BDKRB2: variants seen among roughly 807,000 people sequenced by gnomAD.
BDKRB2 encodes bradykinin receptor B2, also known as B2 bradykinin receptor.
In BDKRB2, 6 loss-of-function variants were observed where a neutral mutation model predicts 4.0. The observed-to-expected ratio is 1.49, with a 90% CI of 0.81 to 2.93. BDKRB2 has a LOEUF of 2.93. Ranked by LOEUF, BDKRB2 falls within the 30% of genes most tolerant of loss-of-function variation. BDKRB2 has a pLI of 0.00. For synonymous variants in BDKRB2, 225 were observed against 215.3 expected, an observed-to-expected ratio of 1.05 and a Z score of -0.40; for missense variants, 478 against 520.1, an observed-to-expected ratio of 0.92 and a Z score of 0.79.
chr14:96,243,907 T>C lies in BDKRB2; in HGVS notation c.*2403T>C. 2.9e-6 allele frequency: 1 copy of C among 350,576 alleles called. No homozygotes were observed. Among genetic ancestry groups the C allele is most frequent in the Non-Finnish European group, 5.1e-6 (1 of 197,194 alleles). 21.7% of individuals were successfully genotyped at this position (350,576 alleles called of 1,614,324 possible). On this transcript the variant is annotated 3_prime_UTR_variant, in exon 3 of 3. Transcript: ENST00000554311. ...AGTCATTCAGCACCAGAGCACGTGATGGTCTGAGACTCTCTTAGGAGCAGA... is the reference window on the plus strand; with the variant it reads ...AGTCATTCAGCACCAGAGCACGTGACGGTCTGAGACTCTCTTAGGAGCAGA...
At chr14:96,205,279 G>A (rs1250243303) in intron 1 of BDKRB2, among the ~76,000 whole-genome samples, 1 of 152,192 alleles carries the variant, frequency 6.6e-6, no homozygotes, top group Non-Finnish European at 1.5e-5. Context: ...ACACCTTGGA[G>A]TAAGGCAGCG....
At chr14:96,206,241 G>T (rs1890176965) in intron 1 of BDKRB2, among the ~76,000 whole-genome samples, 2 of 152,180 alleles carry the variant, frequency 1.3e-5, no homozygotes, top group South Asian at 4.1e-4. Context: ...ACAGCCAAGA[G>T]AAGGCGTCTT....
chr14:96,222,279 GTTCACCAA>G (rs779016951), intron 1 of BDKRB2, among the ~76,000 whole-genome samples: 2 of 152,054 alleles, frequency 1.3e-5, no homozygotes, highest in Non-Finnish European at 2.9e-5. Context: ...ACTTCCCTGC[GTTCACCAA>G]CTCGGAAGCT....
intron 1 of BDKRB2, among the ~76,000 whole-genome samples, chr14:96,222,508 T>G (rs775787026): frequency 1.3e-5 from 2 of 151,710 alleles, no homozygotes; most frequent in Non-Finnish European, 2.9e-5. Context: ...ACAAAAGATG[T>G]GCCTATCATC....
intron 1 of BDKRB2, among the ~76,000 whole-genome samples, chr14:96,222,940 T>G (rs972372679): frequency 1.3e-5 from 2 of 152,116 alleles, no homozygotes; most frequent in African/African-American, 2.4e-5. Flanking sequence ...TGGCTAACTT[T>G]ATAGTTCTAT....
chr14:96,222,903 C>T (rs1890607150), intron 1 of BDKRB2, among the ~76,000 whole-genome samples: 1 of 151,760 alleles, frequency 6.6e-6, no homozygotes, highest in African/African-American at 2.4e-5. Context: ...TTTAATGTGG[C>T]TACTAGAAAA....
intron 1 of BDKRB2, among the ~76,000 whole-genome samples, chr14:96,221,845 G>A (rs1377503869): frequency 2.6e-5 from 4 of 152,072 alleles, no homozygotes; most frequent in Non-Finnish European, 4.4e-5. Flanking sequence ...TAGGGGTTGA[G>A]GGCTCTGTGT....
At chr14:96,238,081 T>C (rs1177358735) in intron 2 of BDKRB2, 3 of 1,063,532 alleles carry the variant, frequency 2.8e-6, no homozygotes, top group Non-Finnish European at 2.3e-6. Flanking sequence ...CTGCAAGTTT[T>C]CATGGGTCAA....
At chr14:96,214,794 T>G (rs1283874760) in intron 1 of BDKRB2, 1 of 152,124 alleles carries the variant, frequency 6.6e-6, no homozygotes, top group Non-Finnish European at 1.5e-5. Context: ...GACAGCACTT[T>G]TGAATGGAAA....
chr14:96,216,881 T>C (rs1890441520), intron 1 of BDKRB2, among the ~76,000 whole-genome samples: 1 of 152,130 alleles, frequency 6.6e-6, no homozygotes, highest in Non-Finnish European at 1.5e-5. Flanking sequence ...ACACATCTGA[T>C]ATACAATCGG....
At chr14:96,214,284 G>A (rs986636819) in intron 1 of BDKRB2, among the ~76,000 whole-genome samples, 3 of 152,192 alleles carry the variant, frequency 2.0e-5, no homozygotes, top group African/African-American at 7.2e-5. Flanking sequence ...GGCTGAGGGG[G>A]TGGAGGTGAG....
chr14:96,237,286 G>A, intron 2 of BDKRB2, 105 bp downstream of exon 2: 1 of 1,091,006 alleles, frequency 9.2e-7, no homozygotes, highest in Non-Finnish European at 1.4e-6. Flanking sequence ...ACAGTTGAAG[G>A]AACCAGTGAT....
intron 1 of BDKRB2, among the ~76,000 whole-genome samples, chr14:96,208,626 G>A (rs538594431): frequency 6.6e-6 from 1 of 152,180 alleles, no homozygotes; most frequent in Non-Finnish European, 1.5e-5. Context: ...GTGAGGGCCT[G>A]GGGCGGTCAC....
At chr14:96,210,754 C>G (rs1223862991) in intron 1 of BDKRB2, 1 of 152,202 alleles carries the variant, frequency 6.6e-6, no homozygotes, top group Non-Finnish European at 1.5e-5. Flanking sequence ...TTCCCTTTGG[C>G]ATAAAGAGTT....
chr14:96,238,913 A>ACTCAGGGCAGAG (rs1267171976), intron 2 of BDKRB2: 1 of 985,954 alleles, frequency 1.0e-6, no homozygotes, highest in African/African-American at 1.7e-5. Flanking sequence ...GTGTTCTTGC[A>ACTCAGGGCAGAG]CTCAGGGCAG....
chr14:96,239,730 T>C (rs1885221705), intron 2 of BDKRB2: 1 of 960,538 alleles, frequency 1.0e-6, no homozygotes, highest in South Asian at 4.8e-5. Flanking sequence ...GTTAAGTAAC[T>C]TCCCCAGCGT....
chr14:96,233,352 G>A (rs537627226), intron 1 of BDKRB2: 1 of 152,450 alleles, frequency 6.6e-6, no homozygotes, highest in East Asian at 1.9e-4. Flanking sequence ...TCCATTAGAT[G>A]TCATGAACAG....
intron 1 of BDKRB2, among the ~76,000 whole-genome samples, chr14:96,228,387 A>G (rs1396658490): frequency 6.6e-6 from 1 of 151,990 alleles, no homozygotes; most frequent in East Asian, 1.9e-4. Context: ...GGCATCCAGG[A>G]AGAATCAGGT....
intron 1 of BDKRB2, among the ~76,000 whole-genome samples, chr14:96,228,447 G>T (rs892751665): frequency 2.0e-5 from 3 of 152,156 alleles, no homozygotes; most frequent in African/African-American, 7.2e-5. Flanking sequence ...GAGTGATGGA[G>T]GTGGCTCTTA....
Sources: allele counts gnomAD v4.1 joint callset (sites outside exome capture counted in the v4.1 genomes callset), GRCh38; gene constraint gnomAD v4.1.1; transcripts MANE v1.5; gene names NCBI Gene and HGNC (gene_info 2026-07-23, HGNC 2026-07-21).